The following CTNNA3 variants were observed in gnomAD, a reference collection of about 807,000 sequenced individuals.
CTNNA3 encodes the protein catenin alpha-3.
CTNNA3 carries 76 observed loss-of-function variants against 95.7 expected under a neutral mutation model. The ratio of observed to expected loss-of-function variants is 0.79; its 90% CI spans 0.66 to 0.96. The LOEUF is 0.96. Ranked by LOEUF, CTNNA3 falls within the 40% of genes least tolerant of loss-of-function variation. The pLI is 0.00. For synonymous variants in CTNNA3, 431 were observed against 374.4 expected (o/e 1.15, Z -1.74); for missense variants, 1,191 against 1,089.8 (o/e 1.09, Z -1.31).
chr10:67,655,322 G>C (rs1839990837), intron 1 of CTNNA3, among the ~76,000 whole-genome samples: 1 of 152,166 alleles, frequency 6.6e-6, no homozygotes. Flanking sequence ...AAATATAAAA[G>C]AGAAATATTT....
At chr10:66,835,457 C>T (rs1842855484) in intron 7 of CTNNA3, among the ~76,000 whole-genome samples, 1 of 152,212 alleles carries the variant, frequency 6.6e-6, no homozygotes, top group South Asian at 2.1e-4. Flanking sequence ...CTAGGGGATT[C>T]TGACTCTTAG....
intron 13 of CTNNA3, among the ~76,000 whole-genome samples, chr10:66,250,489 T>G (rs1300060590): frequency 3.3e-5 from 5 of 152,222 alleles, no homozygotes; most frequent in Non-Finnish European, 7.3e-5. Context: ...TACTATGATG[T>G]GGTTATTAGG....
intron 13 of CTNNA3, among the ~76,000 whole-genome samples, chr10:66,257,417 G>A (rs1163855932): frequency 3.3e-5 from 5 of 152,026 alleles, no homozygotes; most frequent in South Asian, 4.1e-4. Flanking sequence ...CCTTTTAGTC[G>A]TGCCAAGCTG....
chr10:66,374,092 G>T (rs1303997020), intron 12 of CTNNA3, among the ~76,000 whole-genome samples: 1 of 152,098 alleles, frequency 6.6e-6, no homozygotes, highest in East Asian at 1.9e-4. Flanking sequence ...TTAAATTTTG[G>T]AGAAGGACTT....
chr10:66,208,568 A>G (rs1211563529), intron 13 of CTNNA3, among the ~76,000 whole-genome samples: 1 of 151,922 alleles, frequency 6.6e-6, no homozygotes, highest in African/African-American at 2.4e-5. Flanking sequence ...AACCTTTCCA[A>G]AATAGTTTGA....
chr10:67,698,347 C>T (rs1841005547), upstream of CTNNA3, among the ~76,000 whole-genome samples: 1 of 147,608 alleles, frequency 6.8e-6, no homozygotes, highest in Non-Finnish European at 1.5e-5. Flanking sequence ...CAGGACCGGC[C>T]CCAAACAAAG....
At chr10:66,718,992 C>T (rs1387676853) in intron 9 of CTNNA3, among the ~76,000 whole-genome samples, 2 of 152,090 alleles carry the variant, frequency 1.3e-5, no homozygotes, top group South Asian at 2.1e-4. Flanking sequence ...TAGGTACTAC[C>T]GTCTTCCATG....
At chr10:66,356,711 C>T (rs2092613478) in intron 12 of CTNNA3, among the ~76,000 whole-genome samples, 1 of 151,922 alleles carries the variant, frequency 6.6e-6, no homozygotes, top group South Asian at 2.1e-4. Flanking sequence ...AGCATTCATT[C>T]TTTTACTGTT....
At chr10:67,659,615 A>G (rs1310366597) in intron 1 of CTNNA3, among the ~76,000 whole-genome samples, 1 of 152,236 alleles carries the variant, frequency 6.6e-6, no homozygotes, top group Admixed American at 6.5e-5. Flanking sequence ...AATCTAATAT[A>G]TGAGACAACA....
At chr10:66,797,493 T>C (rs1457861203) in intron 7 of CTNNA3, among the ~76,000 whole-genome samples, 1 of 151,878 alleles carries the variant, frequency 6.6e-6, no homozygotes, top group Non-Finnish European at 1.5e-5. Flanking sequence ...TGCTTTCCAA[T>C]GGTTTAACCA....
intron 1 of CTNNA3, among the ~76,000 whole-genome samples, chr10:67,685,538 CCT>C (rs1270287324): frequency 6.6e-5 from 10 of 152,122 alleles, no homozygotes; most frequent in African/African-American, 2.4e-4. Context: ...ATTTAGATCC[CCT>C]GTTAGGAAAC....
At chr10:66,150,023 C>T (rs1254365824) in intron 13 of CTNNA3, among the ~76,000 whole-genome samples, 1 of 152,140 alleles carries the variant, frequency 6.6e-6, no homozygotes, top group African/African-American at 2.4e-5. Context: ...TTCTAATCCA[C>T]AATGAACTTA....
At chr10:67,169,835 C>T (rs1195909352) in intron 7 of CTNNA3, among the ~76,000 whole-genome samples, 2 of 152,118 alleles carry the variant, frequency 1.3e-5, no homozygotes, top group African/African-American at 4.8e-5. Flanking sequence ...AGACAACCTA[C>T]AGATGGGAGA....
At position 65,914,177 on chromosome 10, in the gene CTNNA3, T is replaced by G. The variant is rs1292001073; in HGVS notation, c.*6153A>C. 1 of 152,150 alleles carries G rather than the reference T, an allele frequency of 6.6e-6. No homozygotes were observed. Among genetic ancestry groups the G allele is most frequent in the African/African-American group, 2.4e-5 (1 of 41,444 alleles). 9.4% of individuals were successfully genotyped at this position (152,150 alleles called of 1,614,324 possible). ...TCTAAATTGAAGAAACATTTAGACA[T>G]AATTGTTAGAAATCTGAGCCTTTTT... On this transcript the variant is annotated 3_prime_UTR_variant, in exon 18 of 18. Transcript: ENST00000433211.
intron 5 of CTNNA3, among the ~76,000 whole-genome samples, chr10:67,263,951 G>A (rs1467311981): frequency 6.6e-6 from 1 of 151,778 alleles, no homozygotes; most frequent in Non-Finnish European, 1.5e-5. Context: ...AAAAGTGTCA[G>A]ACAATAAAGC....
At chr10:67,558,694 C>T (rs1361641805) in intron 3 of CTNNA3, among the ~76,000 whole-genome samples, 2 of 152,240 alleles carry the variant, frequency 1.3e-5, no homozygotes, top group Admixed American at 1.3e-4. Context: ...CATTGCCTCA[C>T]TCGAGAAGCG....
At chr10:66,609,174 C>T (rs1844239947) in intron 10 of CTNNA3, among the ~76,000 whole-genome samples, 1 of 151,706 alleles carries the variant, frequency 6.6e-6, no homozygotes, top group Non-Finnish European at 1.5e-5. Flanking sequence ...ATCCTCCCAC[C>T]TCAGCCTCCC....
chr10:67,236,014 G>T (rs1458052347), intron 5 of CTNNA3, among the ~76,000 whole-genome samples: 3 of 146,610 alleles, frequency 2.0e-5, no homozygotes, highest in African/African-American at 7.8e-5. Flanking sequence ...GGAAACAACA[G>T]GTGCTGGAGA....
intron 5 of CTNNA3, among the ~76,000 whole-genome samples, chr10:67,377,642 T>A (rs1229869575): frequency 6.6e-6 from 1 of 152,024 alleles, no homozygotes; most frequent in Non-Finnish European, 1.5e-5. Context: ...TAAAAAAAAT[T>A]TTCATTGACA....
Sources: gnomAD v4.1 joint callset for allele counts (sites outside exome capture counted in the v4.1 genomes callset) on GRCh38, gnomAD v4.1.1 for gene constraint, MANE v1.5 for transcripts, NCBI Gene and HGNC (gene_info 2026-07-23, HGNC 2026-07-21) for gene names.